UPF2: variants seen among roughly 807,000 people sequenced by gnomAD.
UPF2 encodes the protein regulator of nonsense transcripts 2.
Under a neutral mutation model 141.4 loss-of-function variants are expected in UPF2, and 17 were observed. The ratio of observed to expected loss-of-function variants is 0.12; its 90% CI spans 0.08 to 0.18. The LOEUF is 0.18. Ranked by LOEUF, UPF2 falls within the 10% of genes least tolerant of loss-of-function variation. UPF2 has a pLI of 1.00. For missense variants in UPF2, 1,152 were observed against 1,515.9 expected, an observed-to-expected ratio of 0.76 and a Z score of 3.99; for synonymous variants, 540 against 498.0, an observed-to-expected ratio of 1.08 and a Z score of -1.12.
rs1474276632 is a variant in UPF2, at chr10:11,940,135, A to G, written c.3378+2530T>C. On this transcript the variant is annotated intron_variant, in intron 18 of 21. Transcript: ENST00000357604. This position sits in a 1 kb window ranked among gnomAD's most constrained non-coding sequence, Gnocchi z 4.2. ...TAATGCTGAAAAACTAGGGCCTAAT[A>G]TAGAATTAAGTTTTTCTCCAGCACA... Among the ~76,000 whole-genome samples, 2 of 152,206 alleles carry G rather than the reference A, an allele frequency of 1.3e-5. No homozygotes were observed. The highest frequency in any genetic ancestry group is 2.9e-5 in the Non-Finnish European group (2 of 68,040).
At chr10:12,042,924 G>C (rs529780719), upstream of UPF2, 1 of 152,232 alleles carries the variant, frequency 6.6e-6, no homozygotes, top group Non-Finnish European at 1.5e-5. This position sits in a 1 kb window ranked among gnomAD's most constrained non-coding sequence, Gnocchi z 5.5. Context: ...CAGCGCGGCC[G>C]GGCTGAGAGT....
chr10:11,962,506 T>C, intron 11 of UPF2, among the ~76,000 whole-genome samples: 1 of 152,148 alleles, frequency 6.6e-6, no homozygotes, highest in Non-Finnish European at 1.5e-5. Flanking sequence ...TTCATATAGC[T>C]AGTCAGAATT....
chr10:12,009,626 A>G (rs181679271), intron 4 of UPF2, among the ~76,000 whole-genome samples: 1 of 152,214 alleles, frequency 6.6e-6, no homozygotes, highest in South Asian at 2.1e-4. Context: ...TCAGCTCTAC[A>G]ATTGCCCCAG....
At chr10:11,970,118 T>C (rs183747036) in intron 9 of UPF2, among the ~76,000 whole-genome samples, 3 of 152,322 alleles carry the variant, frequency 2.0e-5, no homozygotes, top group Admixed American at 2.0e-4. Context: ...GAGCAAGTCA[T>C]ATAAACTCCC....
rs1180029222 is a variant in UPF2 at position 11,992,147 on chromosome 10, A to AAC, written c.1844+5524_1844+5525insGT. On this transcript the variant is annotated intron_variant, in intron 8 of 21. Transcript: ENST00000357604. This position sits in a 1 kb window ranked among gnomAD's most constrained non-coding sequence, Gnocchi z 4.1. ...CAATAGAGCAAAACTCAGTCTCAAA[A>AAC]AAAAAAATGAAAATGACCTTCAGCA... Among the ~76,000 whole-genome samples the AAC allele has an allele frequency of 6.6e-6, 1 of 152,134 alleles. No homozygotes were observed. The highest frequency in any genetic ancestry group is 1.5e-5 in the Non-Finnish European group (1 of 68,028).
rs372059718 is a variant in UPF2, at chr10:11,982,167, ATAAAG to A, written c.1845-3007_1845-3003del. Among the ~76,000 whole-genome samples the A allele has an allele frequency of 2.2e-3, 331 of 152,348 alleles. 2 individuals are homozygous for A. Among genetic ancestry groups the A allele is most frequent in the African/African-American group, 7.6e-3 (318 of 41,578 alleles). ...TCATTTTCCACATCCATTTTAACAA[ATAAAG>A]TATTCTTTTTCAGCTCATGATCAAT... On this transcript the variant is annotated intron_variant, in intron 8 of 21. Transcript: ENST00000357604.
rs1401114213 is a variant in UPF2, at chr10:11,956,260, T to C, written c.2574+60A>G. The C allele has an allele frequency of 1.3e-5, 19 of 1,506,968 alleles. No homozygotes were observed. Among genetic ancestry groups the C allele is most frequent in the Non-Finnish European group, 1.7e-5 (18 of 1,085,358 alleles). 93.3% of individuals were successfully genotyped at this position (1,506,968 alleles called of 1,614,324 possible). A position where few individuals can be genotyped will look rare whatever the true frequency, so the allele number is the denominator to read the frequency against. On this transcript the variant is annotated intron_variant, in intron 13 of 21. Coordinates refer to ENST00000357604, the MANE Select transcript of UPF2 (RefSeq NM_015542.4). The surrounding 1 kb of genome is among the most constrained non-coding windows in gnomAD (Gnocchi z 4.2). ...TATAACTTGAGTCTCAATAGTAACC[T>C]AGAAATAATAAATTCTCCACGAATT...
intron 18 of UPF2, among the ~76,000 whole-genome samples, chr10:11,942,229 C>T (rs775536580): frequency 6.6e-5 from 10 of 152,004 alleles, no homozygotes; most frequent in Non-Finnish European, 1.3e-4. Flanking sequence ...AAAAATTAGC[C>T]CGGGGTGGTG....
At chr10:12,040,315 A>C (rs1322953161) in intron 1 of UPF2, among the ~76,000 whole-genome samples, 1 of 152,104 alleles carries the variant, frequency 6.6e-6, no homozygotes, top group Non-Finnish European at 1.5e-5. Flanking sequence ...CCAGCTACTC[A>C]GGAGGCTGAG....
chr10:11,965,747 C>T (rs150691284), intron 10 of UPF2, among the ~76,000 whole-genome samples: 4,004 of 152,222 alleles, frequency 0.026, 82 homozygotes, highest in Middle Eastern at 0.041. Context: ...GCGTGAGCCA[C>T]CACGTCCGGC....
chr10:12,022,302 C>A (rs1834331701), intron 3 of UPF2, among the ~76,000 whole-genome samples: 1 of 151,490 alleles, frequency 6.6e-6, no homozygotes, highest in South Asian at 2.1e-4. Flanking sequence ...GTCCCAGCGA[C>A]TTGGGAGGCT....
Position 11,967,674 on chromosome 10 carries a change from C to T in UPF2, c.1954-220G>A, listed in dbSNP as rs1172970924. ...AAGCAATTCTCCTGCTTCACCCTCC[C>T]GAGTAGCTGGGATTACAGGCGCCCA... On this transcript the variant is annotated intron_variant, in intron 9 of 21. Coordinates refer to ENST00000357604, the MANE Select transcript of UPF2 (RefSeq NM_015542.4). 2.0e-5 allele frequency among the ~76,000 whole-genome samples: 3 copies of T among 151,574 alleles called. No homozygotes were observed. The East Asian group carries it at 5.9e-4, about 30-fold the overall frequency.
intron 12 of UPF2, among the ~76,000 whole-genome samples, chr10:11,957,416 G>A (rs1370777749): frequency 4.6e-5 from 7 of 151,794 alleles, no homozygotes; most frequent in Non-Finnish European, 1.5e-5. Context: ...GTGACAGAGC[G>A]AGACTCCATC....
chr10:11,963,565 T>C (rs1833273568), intron 11 of UPF2, among the ~76,000 whole-genome samples: 1 of 152,230 alleles, frequency 6.6e-6, no homozygotes, highest in Non-Finnish European at 1.5e-5. Flanking sequence ...ATTTTGTAAG[T>C]GCTGGGAATA....
At chr10:11,999,841 T>C (rs7089862) in intron 7 of UPF2, 65 bp downstream of exon 7, 89,085 of 1,290,196 alleles carry the variant, frequency 0.069, 3,605 homozygotes, top group Non-Finnish European at 0.082. Context: ...ACCATAGACA[T>C]TCCTTATCAG....
In UPF2 at chr10:11,998,219, C is replaced by G. The variant is rs1833894920; in HGVS notation, c.1759-462G>C. ...GCGGCCTCAGTGAAGGTCTCTCTGA[C>G]CAACCCTTGTTTCTCTTCACAAGTG... On this transcript the variant is annotated intron_variant, in intron 7 of 21. Transcript: ENST00000357604. This position sits in a 1 kb window ranked among gnomAD's most constrained non-coding sequence, Gnocchi z 4.5. Among the ~76,000 whole-genome samples the G allele has an allele frequency of 1.3e-5, 2 of 152,108 alleles. No homozygotes were observed. Among genetic ancestry groups the G allele is most frequent in the African/African-American group, 4.8e-5 (2 of 41,418 alleles).
At position 11,931,849 on chromosome 10, in the gene UPF2, C is replaced by A. The variant is rs1832785316; in HGVS notation, c.3547-67G>T. 3 of 1,528,256 alleles carry A rather than the reference C, an allele frequency of 2.0e-6. No homozygotes were observed. The East Asian group carries it at 6.9e-5, about 35-fold the overall frequency. The allele number at this position is 1,528,256 out of a possible 1,614,324, so 94.7% of individuals were successfully genotyped here. On this transcript the variant is annotated intron_variant, in intron 19 of 21. Coordinates refer to ENST00000357604, the MANE Select transcript of UPF2 (RefSeq NM_015542.4). The surrounding 1 kb of genome is among the most constrained non-coding windows in gnomAD (Gnocchi z 5.9). ...ACTGAGAGAAAGAAAAAACAGACTTCAAATAAAATAGCAAGTACAGGCTGG... is the reference window on the plus strand; with the variant it reads ...ACTGAGAGAAAGAAAAAACAGACTTAAAATAAAATAGCAAGTACAGGCTGG...
chr10:11,978,027 T>G (rs1198947986), intron 9 of UPF2, among the ~76,000 whole-genome samples: 1 of 152,208 alleles, frequency 6.6e-6, no homozygotes, highest in Non-Finnish European at 1.5e-5. Context: ...GACTCTCTCC[T>G]TCCTTCGCAC....
chr10:11,981,720 G>A (rs112820075), intron 8 of UPF2, among the ~76,000 whole-genome samples: 334 of 151,782 alleles, frequency 2.2e-3, no homozygotes, highest in African/African-American at 7.6e-3. Flanking sequence ...TCGCTCTGTC[G>A]CCCAGGCTGG....
Sources: gnomAD v4.1 joint callset for allele counts (sites outside exome capture counted in the v4.1 genomes callset) on GRCh38, gnomAD v4.1.1 for gene constraint, Gnocchi (gnomAD v3.1) non-coding constraint, MANE v1.5 for transcripts, NCBI Gene and HGNC (gene_info 2026-07-23, HGNC 2026-07-21) for gene names.